The following FOXK1 variants were observed in gnomAD, a reference collection of about 807,000 sequenced individuals.
FOXK1 encodes the protein forkhead box K1, also known as forkhead box protein K1.
Under a neutral mutation model 51.9 loss-of-function variants are expected in FOXK1, and 19 were observed. The observed-to-expected ratio is 0.37, with a 90% CI of 0.26 to 0.54. FOXK1 has a LOEUF of 0.54. Ranked by LOEUF, FOXK1 falls within the 20% of genes least tolerant of loss-of-function variation. The pLI, the probability that FOXK1 is intolerant of heterozygous loss-of-function variation, is 0.87. For synonymous variants in FOXK1, 537 were observed against 482.6 expected (o/e 1.11, Z -1.48); for missense variants, 870 against 1,032.7 (o/e 0.84, Z 2.16).
In FOXK1 at chr7:4,747,471, T is replaced by C. The variant is rs1346536809; in HGVS notation, c.746+6448T>C. Among the ~76,000 whole-genome samples, 1 of 152,218 alleles carries C rather than the reference T, an allele frequency of 6.6e-6. No homozygotes were observed. On this transcript the variant is annotated intron_variant, in intron 2 of 8. Coordinates refer to ENST00000328914, the MANE Select transcript of FOXK1 (RefSeq NM_001037165.2). This position sits in a 1 kb window ranked among gnomAD's most constrained non-coding sequence, Gnocchi z 9.2. ...AAAGTGCACTTCAGAAACAAGTTAATTTTATTTTCTAAATTATTATTTTTA... is the reference window on the plus strand; with the variant it reads ...AAAGTGCACTTCAGAAACAAGTTAACTTTATTTTCTAAATTATTATTTTTA...
intron 1 of FOXK1, among the ~76,000 whole-genome samples, chr7:4,727,845 C>T (rs1047711218): frequency 1.3e-5 from 2 of 152,212 alleles, no homozygotes; most frequent in Non-Finnish European, 2.9e-5. Context: ...TGTGGCCATG[C>T]CTGAACCTCT....
rs549244448 is a variant in FOXK1, at chr7:4,756,864, C to T, written c.1051-130C>T. 2.7e-5 allele frequency: 26 copies of T among 975,388 alleles called. 1 individual carries two copies. In the South Asian group the frequency reaches 3.4e-4, roughly 13 times the overall value. 60.4% of individuals were successfully genotyped at this position (975,388 alleles called of 1,614,324 possible). On this transcript the variant is annotated intron_variant, in intron 4 of 8. Coordinates refer to ENST00000328914, the MANE Select transcript of FOXK1 (RefSeq NM_001037165.2). This position sits in a 1 kb window ranked among gnomAD's most constrained non-coding sequence, Gnocchi z 4.1. ...CTGCTCCCGTGAGGCCCAGCCAGCA[C>T]AGCACCAAGGGCTCTGCACAGAGGG...
intron 1 of FOXK1, among the ~76,000 whole-genome samples, chr7:4,690,191 C>A (rs184302794): frequency 6.6e-6 from 1 of 152,164 alleles, no homozygotes; most frequent in Admixed American, 6.5e-5. Context: ...GCAGGATCTG[C>A]TGAAGGAAGG....
intron 1 of FOXK1, among the ~76,000 whole-genome samples, chr7:4,738,130 GAAA>G (rs573837324): frequency 6.6e-5 from 6 of 91,388 alleles, no homozygotes; most frequent in Admixed American, 2.2e-4. Flanking sequence ...CTCAAAAAGA[GAAA>G]AAAAAAAAAA....
In FOXK1 at chr7:4,734,264, C is replaced by G. The variant is rs1215285175; in HGVS notation, c.561-6574C>G. Reference sequence around the variant, plus strand: ...ACAGAGCCTCTGAAGCTCCTGTTTTCTTTGTCCTTCCTGAGACAGATCTCA... The same window carrying G: ...ACAGAGCCTCTGAAGCTCCTGTTTTGTTTGTCCTTCCTGAGACAGATCTCA... On this transcript the variant is annotated intron_variant, in intron 1 of 8. Coordinates refer to ENST00000328914, the MANE Select transcript of FOXK1 (RefSeq NM_001037165.2). This position sits in a 1 kb window ranked among gnomAD's most constrained non-coding sequence, Gnocchi z 5.2. Among the ~76,000 whole-genome samples, 1 of 152,202 alleles carries G rather than the reference C, an allele frequency of 6.6e-6. No homozygotes were observed. Among genetic ancestry groups the G allele is most frequent in the East Asian group, 1.9e-4 (1 of 5,190 alleles).
chr7:4,761,418 T>C lies in FOXK1; in HGVS notation c.1921+130T>C. On this transcript the variant is annotated intron_variant, in intron 8 of 8. Coordinates refer to ENST00000328914, the MANE Select transcript of FOXK1 (RefSeq NM_001037165.2). This position sits in a 1 kb window ranked among gnomAD's most constrained non-coding sequence, Gnocchi z 6.2. ...AGTTCAATTTATTGAGCACCTGCTA[T>C]ACTCCAGGCACTGGGGTAATGCAAA... 1.0e-6 allele frequency: 1 copy of C among 960,230 alleles called. No homozygotes were observed. Among genetic ancestry groups the C allele is most frequent in the Non-Finnish European group, 1.6e-6 (1 of 643,250 alleles). 59.5% of individuals were successfully genotyped at this position (960,230 alleles called of 1,614,324 possible). A position where few individuals can be genotyped will look rare whatever the true frequency, so the allele number is the denominator to read the frequency against.
At position 4,745,781 on chromosome 7, in the gene FOXK1, T is replaced by G. The variant is rs961206586; in HGVS notation, c.746+4758T>G. Among the ~76,000 whole-genome samples, 3 of 151,962 alleles carry G rather than the reference T, an allele frequency of 2.0e-5. No homozygotes were observed. The highest frequency in any genetic ancestry group is 1.9e-4 in the East Asian group (1 of 5,176). On this transcript the variant is annotated intron_variant, in intron 2 of 8. Transcript: ENST00000328914. This position sits in a 1 kb window ranked among gnomAD's most constrained non-coding sequence, Gnocchi z 4.3. ...GAGCCAGGTGTGTAATCCAAGCTAC[T>G]TGGGAGGCTGAGGCAGGAGAATTGC...
rs1780976753 is a variant in FOXK1 at position 4,764,244 on chromosome 7, C to T, written c.*1780C>T. The T allele has an allele frequency of 6.5e-6, 1 of 154,466 alleles. No homozygotes were observed. The highest frequency in any genetic ancestry group is 6.5e-5 in the Admixed American group (1 of 15,298). The allele number at this position is 154,466 out of a possible 1,614,324, so 9.6% of individuals were successfully genotyped here. ...AGTGCAGAACCTCTGTGGGCCCCCTCCTTCCACCTAGATAGAGAAAACCCC... is the reference window on the plus strand; with the variant it reads ...AGTGCAGAACCTCTGTGGGCCCCCTTCTTCCACCTAGATAGAGAAAACCCC... On this transcript the variant is annotated 3_prime_UTR_variant, in exon 9 of 9. Coordinates refer to ENST00000328914, the MANE Select transcript of FOXK1 (RefSeq NM_001037165.2).
intron 2 of FOXK1, among the ~76,000 whole-genome samples, chr7:4,751,244 C>G (rs1780771812): frequency 6.6e-6 from 1 of 150,984 alleles, no homozygotes; most frequent in African/African-American, 2.4e-5. Context: ...TGGTCTCGCT[C>G]TCCTGACCTC....
Position 4,709,922 on chromosome 7 carries a change from A to G in FOXK1, c.560+27054A>G, listed in dbSNP as rs1289747972. 6.6e-6 allele frequency among the ~76,000 whole-genome samples: 1 copy of G among 152,234 alleles called. No homozygotes were observed. The highest frequency in any genetic ancestry group is 1.9e-4 in the East Asian group (1 of 5,192). On this transcript the variant is annotated intron_variant, in intron 1 of 8. Transcript: ENST00000328914. The surrounding 1 kb of genome is among the most constrained non-coding windows in gnomAD (Gnocchi z 5.6). ...GTGACACGTTTGAACACGGAAGAAC[A>G]CGGAAGCCTGTGTGTTAGGCGTTAA... is the stretch of plus-strand genomic sequence containing the variant.
chr7:4,724,675 G>A (rs1780356284), intron 1 of FOXK1, among the ~76,000 whole-genome samples: 1 of 152,244 alleles, frequency 6.6e-6, no homozygotes, highest in African/African-American at 2.4e-5. Flanking sequence ...GGGCTCAGCA[G>A]ACAGCCAGGC....
At chr7:4,714,428 G>T (rs1189331197) in intron 1 of FOXK1, among the ~76,000 whole-genome samples, 3 of 152,110 alleles carry the variant, frequency 2.0e-5, no homozygotes, top group Non-Finnish European at 2.9e-5. Flanking sequence ...ACAGGCGTGT[G>T]CCCCCATGCC....
rs1251351117 is a variant in FOXK1 at position 4,768,335 on chromosome 7, T to A, written c.*5871T>A. 1.4e-5 allele frequency: 2 copies of A among 139,490 alleles called. No individual in the cohort carries two copies. Among genetic ancestry groups the A allele is most frequent in the African/African-American group, 3.3e-5 (1 of 30,594 alleles). The allele number at this position is 139,490 out of a possible 1,614,324, so 8.6% of individuals were successfully genotyped here. On this transcript the variant is annotated 3_prime_UTR_variant, in exon 9 of 9. Transcript: ENST00000328914. ...TTTTAGTAGAGACGGGGTTTCACCG[T>A]GTTAGCCAGGATGGTCTCGATCTCC... is the stretch of plus-strand genomic sequence containing the variant.
chr7:4,699,207 G>A (rs1445054668), intron 1 of FOXK1, among the ~76,000 whole-genome samples: 3 of 151,822 alleles, frequency 2.0e-5, no homozygotes, highest in African/African-American at 7.3e-5. Context: ...ACATTTGTCC[G>A]ATTTGACAAA....
At chr7:4,714,428 G>C (rs1189331197) in intron 1 of FOXK1, among the ~76,000 whole-genome samples, 3 of 152,110 alleles carry the variant, frequency 2.0e-5, no homozygotes, top group African/African-American at 7.2e-5. Context: ...ACAGGCGTGT[G>C]CCCCCATGCC....
intron 1 of FOXK1, among the ~76,000 whole-genome samples, chr7:4,690,230 C>T (rs187048379): frequency 1.4e-5 from 2 of 143,796 alleles, no homozygotes; most frequent in Admixed American, 1.3e-4. Context: ...TGGTTTTGAA[C>T]CGGAGCTGGG....
At chr7:4,725,599 G>A (rs937958208) in intron 1 of FOXK1, among the ~76,000 whole-genome samples, 3 of 152,252 alleles carry the variant, frequency 2.0e-5, no homozygotes, top group Admixed American at 1.3e-4. Context: ...CGGACTCTCC[G>A]GGCCTCGCCC....
intron 2 of FOXK1, among the ~76,000 whole-genome samples, chr7:4,746,507 C>T (rs1200575666): frequency 1.3e-5 from 2 of 151,476 alleles, no homozygotes; most frequent in Non-Finnish European, 2.9e-5. Context: ...TAGTGAGACC[C>T]CCATCTCTAA....
Position 4,731,124 on chromosome 7 carries a change from C to T in FOXK1, c.561-9714C>T, listed in dbSNP as rs983175712. ...GATGTGGCCCACCCTGGGACCGTCA[C>T]CTGACTTCCTGTCCCTGCACAGAGA... On this transcript the variant is annotated intron_variant, in intron 1 of 8. Transcript: ENST00000328914. This position sits in a 1 kb window ranked among gnomAD's most constrained non-coding sequence, Gnocchi z 5.3. Among the ~76,000 whole-genome samples, 3 of 152,338 alleles carry T rather than the reference C, an allele frequency of 2.0e-5. No individual in the cohort carries two copies. The highest frequency in any genetic ancestry group is 1.9e-4 in the East Asian group (1 of 5,178).
Sources: gnomAD v4.1 joint callset for allele counts (sites outside exome capture counted in the v4.1 genomes callset) on GRCh38, gnomAD v4.1.1 for gene constraint, Gnocchi (gnomAD v3.1) non-coding constraint, MANE v1.5 for transcripts, NCBI Gene and HGNC (gene_info 2026-07-23, HGNC 2026-07-21) for gene names.